The following OR9Q1 variants were observed in gnomAD, a reference collection of about 807,000 sequenced individuals.
The protein encoded by OR9Q1 is olfactory receptor 9Q1.
For missense variants in OR9Q1, 374 were observed against 378.8 expected (o/e 0.99, Z 0.11); for synonymous variants, 153 against 148.6 (o/e 1.03, Z -0.22).
intron 1 of OR9Q1, among the ~76,000 whole-genome samples, chr11:58,026,022 C>A (rs754858901): frequency 1.3e-5 from 2 of 152,206 alleles, no homozygotes; most frequent in South Asian, 4.1e-4. Flanking sequence ...TCCTTGTATG[C>A]CAACTTCACT....
intron 2 of OR9Q1, among the ~76,000 whole-genome samples, chr11:58,149,830 G>T (rs1854332159): frequency 6.6e-6 from 1 of 152,130 alleles, no homozygotes; most frequent in Non-Finnish European, 1.5e-5. Context: ...TCTATTGCAT[G>T]GATATGCCAT....
At chr11:58,080,956 A>G (rs1275504897) in intron 2 of OR9Q1, among the ~76,000 whole-genome samples, 1 of 151,896 alleles carries the variant, frequency 6.6e-6, no homozygotes, top group African/African-American at 2.4e-5. Context: ...TCCTAATGCT[A>G]TCCCTCCCCT....
At chr11:58,094,122 G>T (rs755207517) in intron 2 of OR9Q1, among the ~76,000 whole-genome samples, 3 of 152,160 alleles carry the variant, frequency 2.0e-5, no homozygotes, top group Non-Finnish European at 2.9e-5. Flanking sequence ...TAAAAAGGAT[G>T]AAGTCATGTC....
At chr11:58,071,782 A>G (rs1034187265) in intron 2 of OR9Q1, among the ~76,000 whole-genome samples, 2 of 152,264 alleles carry the variant, frequency 1.3e-5, no homozygotes, top group Non-Finnish European at 2.9e-5. Context: ...ACTAGTGGCA[A>G]TGTAAATAAA....
chr11:58,108,989 TG>T (rs1333847396), intron 2 of OR9Q1: 1 of 409,192 alleles, frequency 2.4e-6, no homozygotes, highest in Admixed American at 2.6e-5. Context: ...ACCCTCAAAA[TG>T]GCTCTGATAA....
At chr11:58,148,177 A>T (rs1854317315) in intron 2 of OR9Q1, among the ~76,000 whole-genome samples, 1 of 152,150 alleles carries the variant, frequency 6.6e-6, no homozygotes, top group South Asian at 2.1e-4. Flanking sequence ...TATTTTTCAC[A>T]TATATTAAGT....
intron 2 of OR9Q1, among the ~76,000 whole-genome samples, chr11:58,084,501 C>G (rs1853617052): frequency 6.6e-6 from 1 of 151,782 alleles, no homozygotes; most frequent in Admixed American, 6.6e-5. Flanking sequence ...AAGAAAACTT[C>G]AGGCCAATAT....
intron 2 of OR9Q1, among the ~76,000 whole-genome samples, chr11:58,083,277 C>T (rs1853606441): frequency 6.6e-6 from 1 of 151,808 alleles, no homozygotes; most frequent in Non-Finnish European, 1.5e-5. Context: ...ATCCTTTCCC[C>T]ATTGCTTGTT....
intron 2 of OR9Q1, among the ~76,000 whole-genome samples, chr11:58,082,522 C>G (rs1395698493): frequency 7.1e-6 from 1 of 140,340 alleles, no homozygotes; most frequent in African/African-American, 2.7e-5. Context: ...CACATGTTCT[C>G]ACTCACAGAT....
At chr11:58,112,064 G>A (rs1199214025) in intron 2 of OR9Q1, among the ~76,000 whole-genome samples, 1 of 151,898 alleles carries the variant, frequency 6.6e-6, no homozygotes, top group African/African-American at 2.4e-5. Context: ...GAGGCAGGTG[G>A]ATCACCTGAG....
intron 2 of OR9Q1, among the ~76,000 whole-genome samples, chr11:58,080,559 A>C (rs1853578087): frequency 1.3e-5 from 2 of 152,146 alleles, no homozygotes; most frequent in African/African-American, 2.4e-5. Flanking sequence ...TCCTTAAGAA[A>C]TCTCCAAACT....
At position 58,086,412 on chromosome 11, in the gene OR9Q1, G is replaced by A. The variant is rs552299782; in HGVS notation, c.-15+30465G>A. On this transcript the variant is annotated intron_variant, in intron 2 of 2. Coordinates refer to ENST00000335397, the MANE Select transcript of OR9Q1 (RefSeq NM_001005212.4). The stretch of plus-strand genomic sequence containing the variant: ...CCCCTTGTGCACTGTTGGTGGTAAC[G>A]TAAATGAATACAGCCATTATGGAAA... 1.5e-3 allele frequency among the ~76,000 whole-genome samples: 231 copies of A among 151,918 alleles called. 6 individuals are homozygous for A. Among genetic ancestry groups the A allele is most frequent in the African/African-American group, 5.2e-3 (215 of 41,278 alleles).
Position 58,024,070 on chromosome 11 carries a change from GC to G in OR9Q1, c.-125del, listed in dbSNP as rs1271205432. ...ACACTGAGGCTCAGAAAGATCAAAC[GC>G]CTTTCCCAAACTCACAGCTACGGCC... On this transcript the variant is annotated 5_prime_UTR_variant, in exon 1 of 3. An upstream open reading frame in the 5' UTR gains an earlier in-frame stop. Transcript: ENST00000335397. 6.6e-6 allele frequency: 1 copy of G among 152,284 alleles called. No individual in the cohort carries two copies. Among genetic ancestry groups the G allele is most frequent in the Non-Finnish European group, 1.5e-5 (1 of 68,070 alleles). The allele number at this position is 152,284 out of a possible 1,614,324, so 9.4% of individuals were successfully genotyped here.
At chr11:58,105,385 A>G (rs1351149653) in intron 2 of OR9Q1, among the ~76,000 whole-genome samples, 3 of 152,202 alleles carry the variant, frequency 2.0e-5, no homozygotes, top group Non-Finnish European at 4.4e-5. Flanking sequence ...AATATATAAA[A>G]TGTGATGAAT....
At chr11:58,056,796 A>C (rs1210334035) in intron 2 of OR9Q1, among the ~76,000 whole-genome samples, 1 of 152,122 alleles carries the variant, frequency 6.6e-6, no homozygotes, top group Non-Finnish European at 1.5e-5. Context: ...GAGAAAATAG[A>C]GCATCTCTGG....
chr11:58,054,014 A>G (rs953012121), intron 1 of OR9Q1, among the ~76,000 whole-genome samples: 2 of 152,186 alleles, frequency 1.3e-5, no homozygotes, highest in Non-Finnish European at 1.5e-5. Context: ...AATGGTGACT[A>G]TGGGTGGTGA....
Position 58,179,639 on chromosome 11 carries a change from C to T in OR9Q1, c.195C>T (p.His65=). 1 of 1,613,102 alleles carries T rather than the reference C, an allele frequency of 6.2e-7. No homozygotes were observed. ...LHAPMYFLLS[H]LAFMDVCYSS... ...CTCCAATGTATTTCCTTCTGAGTCA[C>T]CTCGCTTTCATGGACGTCTGCTACT... The change falls in exon 3 of 3, where the codon CAC becomes CAT. Residue 65 remains histidine, a synonymous_variant. Coordinates refer to ENST00000335397, the MANE Select transcript of OR9Q1 (RefSeq NM_001005212.4).
chr11:58,092,337 T>A (rs112619705), intron 2 of OR9Q1, among the ~76,000 whole-genome samples: 1 of 152,008 alleles, frequency 6.6e-6, no homozygotes, highest in East Asian at 1.9e-4. Flanking sequence ...TCTAATTTTT[T>A]TTTTTACACT....
rs141404154 is a variant in OR9Q1 at position 58,118,898 on chromosome 11, G to T, written c.-14-60533G>T. On this transcript the variant is annotated intron_variant, in intron 2 of 2. Coordinates refer to ENST00000335397, the MANE Select transcript of OR9Q1 (RefSeq NM_001005212.4). Reference sequence around the variant, plus strand: ...TCACTGCAGGCAAGCTTCAGCAGGGGTGGGAGGTCACAGAAGAAGAAGTTT... The same window carrying T: ...TCACTGCAGGCAAGCTTCAGCAGGGTTGGGAGGTCACAGAAGAAGAAGTTT... The T allele has an allele frequency of 2.4e-5, 39 of 1,613,936 alleles. No homozygotes were observed. The African/African-American group carries it at 3.5e-4, about 14-fold the overall frequency.
Sources: gnomAD v4.1 joint callset for allele counts (sites outside exome capture counted in the v4.1 genomes callset) on GRCh38, gnomAD v4.1.1 for gene constraint, MANE v1.5 for transcripts, NCBI Gene and HGNC (gene_info 2026-07-23, HGNC 2026-07-21) for gene names.